The following SEMA6A variants were observed in gnomAD, a reference collection of about 807,000 sequenced individuals.
The protein encoded by SEMA6A is semaphorin 6A, also known as semaphorin-6A.
SEMA6A carries 25 observed loss-of-function variants against 96.8 expected under a neutral mutation model. That is an observed-to-expected ratio of 0.26 (90% CI 0.19 to 0.36). SEMA6A has a LOEUF of 0.36. Ranked by LOEUF, SEMA6A falls within the 10% of genes least tolerant of loss-of-function variation. The probability of loss-of-function intolerance (pLI) is 1.00; values close to 1 mark genes in which losing one functional copy is unlikely to be tolerated. For synonymous variants in SEMA6A, 612 were observed against 518.0 expected (o/e 1.18, Z -2.46); for missense variants, 1,363 against 1,323.1 (o/e 1.03, Z -0.47).
Position 116,478,613 on chromosome 5 carries a change from G to C in SEMA6A, c.1356C>G (p.Ala452=). ...TTAGAAAACCACTATTTCCTATTCT[G>C]GCCAAAAACTTCAAGATGATTCCCT... ...SEKGIILKFL[A]RIGNSGFLND... The change falls in exon 13 of 19, where the codon GCC becomes GCG. Residue 452 remains alanine, a synonymous_variant. Transcript: ENST00000343348. 1 of 1,613,414 alleles carries C rather than the reference G, an allele frequency of 6.2e-7. No homozygotes were observed. The highest frequency in any genetic ancestry group is 8.5e-7 in the Non-Finnish European group (1 of 1,179,706).
intron 1 of SEMA6A, among the ~76,000 whole-genome samples, chr5:116,511,752 G>A (rs1361255185): frequency 6.6e-6 from 1 of 152,206 alleles, no homozygotes; most frequent in Non-Finnish European, 1.5e-5. Flanking sequence ...TTCTCAACCA[G>A]TTTTAGGAGA....
intron 1 of SEMA6A, among the ~76,000 whole-genome samples, chr5:116,572,800 C>G (rs1429515346): frequency 6.6e-6 from 1 of 152,212 alleles, no homozygotes; most frequent in East Asian, 1.9e-4. Flanking sequence ...ATGATTCCCT[C>G]CAGGTCCGGC....
chr5:116,466,552 A>G (rs1264594341), intron 18 of SEMA6A, among the ~76,000 whole-genome samples: 1 of 152,174 alleles, frequency 6.6e-6, no homozygotes, highest in Non-Finnish European at 1.5e-5. Context: ...GGAGATGAGA[A>G]GCAAAAAAGC....
At position 116,450,989 on chromosome 5, in the gene SEMA6A, G is replaced by C. The variant is rs115483579; in HGVS notation, c.1895-3178C>G. ...GTCAACTTTGTGGAATAGCCATTGTGAAGGCTTGGAAACAGCAGACTTGTC... is the reference window on the plus strand; with the variant it reads ...GTCAACTTTGTGGAATAGCCATTGTCAAGGCTTGGAAACAGCAGACTTGTC... On this transcript the variant is annotated intron_variant, in intron 18 of 18. Transcript: ENST00000343348. Among the ~76,000 whole-genome samples, 320 of 152,324 alleles carry C rather than the reference G, an allele frequency of 2.1e-3. 1 individual carries two copies. The highest frequency in any genetic ancestry group is 3.4e-3 in the Non-Finnish European group (229 of 68,026).
chr5:116,457,571 A>T (rs1055129144), intron 18 of SEMA6A, among the ~76,000 whole-genome samples: 1 of 152,180 alleles, frequency 6.6e-6, no homozygotes, highest in Non-Finnish European at 1.5e-5. Context: ...ATCTCTTTAC[A>T]AAGATAGTTG....
intron 18 of SEMA6A, among the ~76,000 whole-genome samples, chr5:116,453,148 G>A (rs1260455434): frequency 1.3e-5 from 2 of 152,162 alleles, no homozygotes; most frequent in Admixed American, 6.5e-5. Context: ...ATAGCAAATG[G>A]TCTAACTCCC....
At chr5:116,549,475 C>A (rs969242374) in intron 1 of SEMA6A, among the ~76,000 whole-genome samples, 5 of 152,154 alleles carry the variant, frequency 3.3e-5, no homozygotes, top group Non-Finnish European at 5.9e-5. Context: ...CAAGCTAAAA[C>A]CCCAGGGACC....
At chr5:116,567,393 C>A (rs942712410) in intron 1 of SEMA6A, among the ~76,000 whole-genome samples, 2 of 152,198 alleles carry the variant, frequency 1.3e-5, no homozygotes, top group Middle Eastern at 3.4e-3. Flanking sequence ...ATTTCCCCTG[C>A]CCCCCAGAAT....
intron 1 of SEMA6A, among the ~76,000 whole-genome samples, chr5:116,546,048 A>G (rs1245088721): frequency 6.6e-6 from 1 of 152,248 alleles, no homozygotes. Flanking sequence ...CATTTCAATA[A>G]TAAGTATGTG....
At chr5:116,478,927 A>AGTGTGT (rs1312532391) in intron 12 of SEMA6A, among the ~76,000 whole-genome samples, 19 of 90,202 alleles carry the variant, frequency 2.1e-4, no homozygotes, top group South Asian at 1.7e-3. Context: ...GAGGTGTGAG[A>AGTGTGT]GAGTGTGTGT....
chr5:116,512,405 T>C (rs1758451732), intron 1 of SEMA6A, among the ~76,000 whole-genome samples: 1 of 152,178 alleles, frequency 6.6e-6, no homozygotes, highest in Admixed American at 6.6e-5. Flanking sequence ...AGCACCCATT[T>C]TGGAGGAAAG....
At chr5:116,553,491 T>C (rs1022717410) in intron 1 of SEMA6A, among the ~76,000 whole-genome samples, 16 of 152,322 alleles carry the variant, frequency 1.1e-4, no homozygotes, top group African/African-American at 3.4e-4. Context: ...GCCACAGGAC[T>C]GTGTGGCGCT....
At chr5:116,474,283 C>T (rs1031246923) in intron 16 of SEMA6A, among the ~76,000 whole-genome samples, 1 of 144,570 alleles carries the variant, frequency 6.9e-6, no homozygotes, top group African/African-American at 2.8e-5. Flanking sequence ...CGCATGCACA[C>T]ACACACACAC....
chr5:116,453,842 A>T (rs1044749836), intron 18 of SEMA6A, among the ~76,000 whole-genome samples: 1 of 152,206 alleles, frequency 6.6e-6, no homozygotes, highest in Admixed American at 6.5e-5. Flanking sequence ...ACCTTACACA[A>T]ATAGCTGGGA....
chr5:116,486,927 T>C lies in SEMA6A; in HGVS notation c.784A>G (p.Met262Val). The change falls in exon 10 of 19, where the codon ATG (methionine) becomes GTG (valine). Residue 262 changes from methionine to valine, a missense_variant. Met to Val is a conservative substitution (Grantham distance 21, BLOSUM62 1). Coordinates refer to ENST00000343348, the MANE Select transcript of SEMA6A (RefSeq NM_020796.5). ...PRVAQVCKND[M>V]GGSQRVLEKQ... Reference sequence around the variant, plus strand: ...TCCAGGACTCTTTGAGATCCTCCCATATCATTCTTACAAACCTGAGCCACT... The same window carrying C: ...TCCAGGACTCTTTGAGATCCTCCCACATCATTCTTACAAACCTGAGCCACT... 6.2e-7 allele frequency: 1 copy of C among 1,613,760 alleles called. No individual in the cohort carries two copies. Among genetic ancestry groups the C allele is most frequent in the South Asian group, 1.1e-5 (1 of 91,082 alleles).
intron 1 of SEMA6A, among the ~76,000 whole-genome samples, chr5:116,539,149 A>G (rs1759853993): frequency 6.6e-6 from 1 of 152,206 alleles, no homozygotes; most frequent in Non-Finnish European, 1.5e-5. Flanking sequence ...GTTCAAGCCT[A>G]GACAATATTT....
At chr5:116,550,831 C>A (rs1760373952) in intron 1 of SEMA6A, among the ~76,000 whole-genome samples, 1 of 152,170 alleles carries the variant, frequency 6.6e-6, no homozygotes, top group Non-Finnish European at 1.5e-5. Context: ...ATTGACTGAT[C>A]ATCACAATCA....
intron 10 of SEMA6A, chr5:116,486,541 A>G (rs1373917875): frequency 1.9e-6 from 1 of 533,884 alleles, no homozygotes; most frequent in Non-Finnish European, 3.3e-6. Flanking sequence ...GTCATAATTT[A>G]TCTAATTACT....
intron 1 of SEMA6A, among the ~76,000 whole-genome samples, chr5:116,516,145 A>G (rs1758657019): frequency 6.6e-6 from 1 of 152,150 alleles, no homozygotes; most frequent in Non-Finnish European, 1.5e-5. Flanking sequence ...AAAGCCAAAA[A>G]TAGAGTTTCT....
Sources: allele counts gnomAD v4.1 joint callset (sites outside exome capture counted in the v4.1 genomes callset), GRCh38; gene constraint gnomAD v4.1.1; transcripts MANE v1.5; gene names NCBI Gene and HGNC (gene_info 2026-07-23, HGNC 2026-07-21).